The following PRELID2 variants were observed in gnomAD, a reference collection of about 807,000 sequenced individuals.
The protein encoded by PRELID2 is PRELI domain containing 2, also known as PRELI domain-containing protein 2.
PRELID2 carries 25 observed loss-of-function variants against 28.4 expected under a neutral mutation model. That is an observed-to-expected ratio of 0.88 (90% confidence interval 0.64 to 1.23). The LOEUF (loss-of-function observed/expected upper bound fraction) is 1.23. Ranked by LOEUF, PRELID2 falls within the 50% of genes most tolerant of loss-of-function variation. The pLI, the probability that PRELID2 is intolerant of heterozygous loss-of-function variation, is 0.00. For synonymous variants in PRELID2, 76 were observed against 71.6 expected (o/e 1.06, Z -0.31); for missense variants, 201 against 214.4 (o/e 0.94, Z 0.39).
the PRELID2 span, among the ~76,000 whole-genome samples, chr5:145,261,790 C>G: frequency 5.9e-5 from 9 of 152,202 alleles, no homozygotes; most frequent in African/African-American, 2.2e-4. Context: ...GTTTTTAACA[C>G]CCCCAAAAGA....
At chr5:145,263,699 GC>G in the PRELID2 span, among the ~76,000 whole-genome samples, 1 of 151,910 alleles carries the variant, frequency 6.6e-6, no homozygotes, top group Non-Finnish European at 1.5e-5. Context: ...AAGATTCAAG[GC>G]TACTATGAAC....
chr5:145,357,014 TATAA>T, the PRELID2 span, among the ~76,000 whole-genome samples: 18 of 152,226 alleles, frequency 1.2e-4, no homozygotes, highest in Admixed American at 7.9e-4. Context: ...TTTGGCTGTA[TATAA>T]AATTCTTGGT....
At chr5:145,450,106 T>C in the PRELID2 span, among the ~76,000 whole-genome samples, 10 of 152,128 alleles carry the variant, frequency 6.6e-5, no homozygotes, top group Non-Finnish European at 1.0e-4. Context: ...CAAAAGAACA[T>C]GGAAACCTAA....
At chr5:145,827,975 A>G (rs1755307425) in intron 1 of PRELID2, among the ~76,000 whole-genome samples, 1 of 152,212 alleles carries the variant, frequency 6.6e-6, no homozygotes, top group Non-Finnish European at 1.5e-5. Context: ...GGTTTGGGGA[A>G]GCTGGAAAAA....
chr5:145,361,572 G>C, the PRELID2 span, among the ~76,000 whole-genome samples: 1 of 152,172 alleles, frequency 6.6e-6, no homozygotes, highest in Non-Finnish European at 1.5e-5. Context: ...GGCCACAAAA[G>C]AGTTGTTCTT....
chr5:145,729,077 G>T, intron 1 of PRELID2: 1 of 599,022 alleles, frequency 1.7e-6, no homozygotes, highest in Non-Finnish European at 3.0e-6. Context: ...CAAGTAAGCA[G>T]AATGTTTGCT....
the PRELID2 span, among the ~76,000 whole-genome samples, chr5:145,438,028 T>C: frequency 6.6e-6 from 1 of 152,084 alleles, no homozygotes; most frequent in Non-Finnish European, 1.5e-5. Context: ...ATGTCCTCCC[T>C]TGCAGAAGGG....
At chr5:145,730,986 C>T (rs1211206112) in intron 1 of PRELID2, among the ~76,000 whole-genome samples, 1 of 152,214 alleles carries the variant, frequency 6.6e-6, no homozygotes, top group African/African-American at 2.4e-5. Context: ...TAAGCCCCCT[C>T]ACCCTAAAAC....
the PRELID2 span, among the ~76,000 whole-genome samples, chr5:145,353,159 T>C: frequency 6.6e-6 from 1 of 152,188 alleles, no homozygotes; most frequent in Non-Finnish European, 1.5e-5. Context: ...CTCATGCTGC[T>C]ATAAAGAAAT....
rs550289219 is a variant in PRELID2 at position 145,681,032 on chromosome 5, C to A, written n.70+83899G>T. Among the ~76,000 whole-genome samples the A allele has an allele frequency of 3.3e-5, 5 of 152,288 alleles. No homozygotes were observed. The East Asian group carries it at 9.7e-4, about 29-fold the overall frequency. ...TTTGACAGCAGAGGATAATGAACCCCACAGCTGGGGTTGGGATGCTTCTGT... is the reference window on the plus strand; with the variant it reads ...TTTGACAGCAGAGGATAATGAACCCAACAGCTGGGGTTGGGATGCTTCTGT... On this transcript the variant is annotated intron_variant and non_coding_transcript_variant, in intron 1 of 2. Transcript: ENST00000510259.
At chr5:145,345,901 G>A in the PRELID2 span, among the ~76,000 whole-genome samples, 2 of 151,964 alleles carry the variant, frequency 1.3e-5, no homozygotes, top group Non-Finnish European at 1.5e-5. Context: ...ATACACTGTG[G>A]GGGGAGGCAT....
chr5:145,654,610 A>G (rs1561533525), intron 1 of PRELID2, among the ~76,000 whole-genome samples: 1 of 152,240 alleles, frequency 6.6e-6, no homozygotes, highest in Non-Finnish European at 1.5e-5. Context: ...AAATCAATAA[A>G]TGTAATCCAG....
chr5:145,715,456 C>T (rs559369216), intron 1 of PRELID2, among the ~76,000 whole-genome samples: 34 of 152,292 alleles, frequency 2.2e-4, no homozygotes, highest in Non-Finnish European at 4.0e-4. Context: ...TTACTAAAAT[C>T]CATTTTCTGC....
chr5:145,638,678 T>TA (rs1417723104), intron 1 of PRELID2, among the ~76,000 whole-genome samples: 1 of 152,184 alleles, frequency 6.6e-6, no homozygotes, highest in Non-Finnish European at 1.5e-5. Context: ...TGGAGCAAGA[T>TA]AGAGTCTATG....
intron 1 of PRELID2, among the ~76,000 whole-genome samples, chr5:145,739,839 TACAAA>T (rs1226434563): frequency 2.0e-5 from 3 of 151,534 alleles, no homozygotes; most frequent in Non-Finnish European, 4.4e-5. Flanking sequence ...TAAAAAACTG[TACAAA>T]ACAATTTACT....
At chr5:145,599,036 G>A (rs1753350700) in intron 1 of PRELID2, among the ~76,000 whole-genome samples, 1 of 152,088 alleles carries the variant, frequency 6.6e-6, no homozygotes, top group South Asian at 2.1e-4. Context: ...CCTATAGGTT[G>A]TTACCCTTTC....
chr5:145,503,021 C>T (rs1473902196), intron 1 of PRELID2, among the ~76,000 whole-genome samples: 1 of 152,104 alleles, frequency 6.6e-6, no homozygotes, highest in African/African-American at 2.4e-5. Flanking sequence ...GATTTAATTT[C>T]CTTGCCTCTG....
At chr5:145,651,376 C>A (rs73313774) in intron 1 of PRELID2, among the ~76,000 whole-genome samples, 33,749 of 152,120 alleles carry the variant, frequency 0.22, 7,087 homozygotes, top group African/African-American at 0.55. Flanking sequence ...CTGCAGACTT[C>A]AATGTCCTCG....
the PRELID2 span, among the ~76,000 whole-genome samples, chr5:145,387,582 C>T: frequency 1.3e-5 from 2 of 152,092 alleles, no homozygotes; most frequent in Non-Finnish European, 2.9e-5. Flanking sequence ...AGTTGTTTTA[C>T]TTATGATTGT....
Sources: allele counts gnomAD v4.1 joint callset (sites outside exome capture counted in the v4.1 genomes callset), GRCh38; gene constraint gnomAD v4.1.1; transcripts MANE v1.5; gene names NCBI Gene and HGNC (gene_info 2026-07-23, HGNC 2026-07-21).